UBAP2: variants seen among roughly 807,000 people sequenced by gnomAD.
UBAP2 encodes ubiquitin-associated protein 2.
In UBAP2, 75 loss-of-function variants were observed where a neutral mutation model predicts 139.6. The ratio of observed to expected loss-of-function variants is 0.54; its 90% CI spans 0.45 to 0.65. UBAP2 has a LOEUF of 0.65. UBAP2 is among the 30% of genes least tolerant of loss of function. The pLI, the probability that UBAP2 is intolerant of heterozygous loss-of-function variation, is 0.00. For synonymous variants in UBAP2, 526 were observed against 526.2 expected (o/e 1.00, Z 0.01); for missense variants, 1,368 against 1,369.6 (o/e 1.00, Z 0.02).
intron 1 of UBAP2, among the ~76,000 whole-genome samples, chr9:34,022,969 G>A (rs1015973672): frequency 6.6e-6 from 1 of 151,800 alleles, no homozygotes; most frequent in African/African-American, 2.4e-5. Context: ...GCTCACGCCT[G>A]TAATCCCAGC....
At chr9:34,013,853 GGC>G (rs1231398778) in intron 2 of UBAP2, among the ~76,000 whole-genome samples, 3 of 151,856 alleles carry the variant, frequency 2.0e-5, no homozygotes, top group African/African-American at 7.2e-5. Context: ...CTCCAGCCTG[GGC>G]GACAGAGCGA....
intron 11 of UBAP2, among the ~76,000 whole-genome samples, chr9:33,954,193 C>T (rs1390170466): frequency 6.6e-6 from 1 of 151,650 alleles, no homozygotes; most frequent in Non-Finnish European, 1.5e-5. Context: ...AGGCGTGAGC[C>T]ACCCTACCTG....
At chr9:33,927,160 C>A in intron 20 of UBAP2, 80 bp from the exon 21 acceptor site, 1 of 1,114,028 alleles carries the variant, frequency 9.0e-7, no homozygotes, top group Non-Finnish European at 1.3e-6. Context: ...GGAGGAGGCA[C>A]AGTCACTGAG....
chr9:34,030,265 G>T (rs970464875), intron 1 of UBAP2, among the ~76,000 whole-genome samples: 1 of 151,962 alleles, frequency 6.6e-6, no homozygotes, highest in Non-Finnish European at 1.5e-5. Context: ...CTAACACGGT[G>T]ATACCCCATC....
chr9:33,924,450 T>C (rs1823246295), intron 22 of UBAP2, among the ~76,000 whole-genome samples, 166 bp from the exon 23 acceptor site: 1 of 152,136 alleles, frequency 6.6e-6, no homozygotes. Flanking sequence ...CGGAAGAGTG[T>C]GCAACTAGGC....
intron 4 of UBAP2, among the ~76,000 whole-genome samples, chr9:33,990,929 G>A (rs536369595): frequency 1.3e-5 from 2 of 152,108 alleles, no homozygotes; most frequent in South Asian, 2.1e-4. Context: ...AAGCCACTGC[G>A]CCTGGCCTAT....
intron 2 of UBAP2, among the ~76,000 whole-genome samples, chr9:34,016,255 GAGGAAGA>G (rs1824272682): frequency 3.5e-5 from 1 of 28,738 alleles, no homozygotes; most frequent in African/African-American, 8.7e-5. Context: ...AGAGGAGGAG[GAGGAAGA>G]GGAGGAAGAG....
intron 4 of UBAP2, among the ~76,000 whole-genome samples, chr9:33,992,583 G>A (rs1172077474): frequency 9.2e-6 from 1 of 108,916 alleles, no homozygotes; most frequent in Non-Finnish European, 1.9e-5. Context: ...ATAAAAAAAA[G>A]ATACCCTCCC....
intron 4 of UBAP2, chr9:33,995,502 T>C (rs1173134857): frequency 7.5e-6 from 1 of 133,600 alleles, no homozygotes; most frequent in African/African-American, 2.7e-5. Flanking sequence ...TAAATATATA[T>C]ATTTATATTA....
chr9:33,927,850 G>C lies in UBAP2; in HGVS notation c.2318C>G (p.Thr773Ser). 1 of 1,614,186 alleles carries C rather than the reference G, an allele frequency of 6.2e-7. No individual in the cohort carries two copies. Among genetic ancestry groups the C allele is most frequent in the Non-Finnish European group, 8.5e-7 (1 of 1,180,032 alleles). The stretch of plus-strand genomic sequence containing the variant: ...ACTGCTGCTGGATGCACTCGCGGGG[G>C]TCCCACCCAGACAGAGGCTGTTCGC... The part of the protein sequence containing the change: ...NTANSLCLGG[T>S]PASASSSSSR... The change falls in exon 20 of 29, where the codon ACC becomes AGC. Residue 773 changes from threonine (T) to serine (S), a missense_variant. Physicochemically the swap from Thr to Ser is moderately conservative, Grantham distance 58. Coordinates refer to ENST00000379238, the MANE Select transcript of UBAP2 (RefSeq NM_001370062.2).
intron 6 of UBAP2, among the ~76,000 whole-genome samples, chr9:33,982,967 C>T (rs1820899519): frequency 6.6e-6 from 1 of 151,708 alleles, no homozygotes; most frequent in Non-Finnish European, 1.5e-5. Context: ...GCAACCTCCG[C>T]CTCCCAGGTT....
intron 8 of UBAP2, among the ~76,000 whole-genome samples, chr9:33,969,078 T>C (rs1827692886): frequency 6.7e-6 from 1 of 149,576 alleles, no homozygotes; most frequent in Non-Finnish European, 1.5e-5. Context: ...CATCCATTGA[T>C]AAACATTTGA....
intron 24 of UBAP2, 75 bp downstream of exon 24, chr9:33,923,720 G>C: frequency 6.8e-7 from 1 of 1,477,558 alleles, no homozygotes; most frequent in Admixed American, 1.7e-5. Context: ...CTCCCTGCTG[G>C]AAGATAGGTC....
At chr9:34,005,187 C>T (rs1040780537) in intron 2 of UBAP2, among the ~76,000 whole-genome samples, 3 of 150,668 alleles carry the variant, frequency 2.0e-5, no homozygotes, top group Non-Finnish European at 3.0e-5. Context: ...CATTTGAACC[C>T]GAGAGGCGGA....
intron 22 of UBAP2, 60 bp from the exon 23 acceptor site, chr9:33,924,344 G>A (rs72727331): frequency 0.017 from 25,793 of 1,526,758 alleles, 278 homozygotes; most frequent in Non-Finnish European, 0.02. Context: ...CAGGAGAGCA[G>A]AACCAGCACA....
At chr9:33,928,098 G>A (rs775940049) in intron 19 of UBAP2, 106 bp from the exon 20 acceptor site, 2 of 1,233,116 alleles carry the variant, frequency 1.6e-6, no homozygotes, top group African/African-American at 3.0e-5. Flanking sequence ...TGAGCAGGCA[G>A]GCAATGATGT....
At chr9:33,949,095 A>AG (rs1825880651) in intron 12 of UBAP2, 1 of 154,152 alleles carries the variant, frequency 6.5e-6, no homozygotes, top group Admixed American at 6.4e-5. Context: ...TGAACCCAGG[A>AG]GGCGGAGCTT....
intron 1 of UBAP2, among the ~76,000 whole-genome samples, chr9:34,024,156 C>G (rs2131305558): frequency 6.6e-6 from 1 of 152,088 alleles, no homozygotes; most frequent in Non-Finnish European, 1.5e-5. Context: ...GTCGGGAGTT[C>G]AAGACCAGCC....
intron 6 of UBAP2, among the ~76,000 whole-genome samples, chr9:33,977,253 G>C (rs1587598862): frequency 1.3e-5 from 2 of 151,856 alleles, no homozygotes; most frequent in African/African-American, 4.8e-5. Context: ...TGGCCAGGCT[G>C]GTCTCAAACT....
Sources: allele counts gnomAD v4.1 joint callset (sites outside exome capture counted in the v4.1 genomes callset), GRCh38; gene constraint gnomAD v4.1.1; transcripts MANE v1.5; gene names NCBI Gene and HGNC (gene_info 2026-07-23, HGNC 2026-07-21).